Variants in EPHB1 observed in about 807,000 individuals in gnomAD.
EPHB1 encodes the protein EPH receptor B1, also known as ephrin type-B receptor 1.
Under a neutral mutation model 94.4 loss-of-function variants are expected in EPHB1, and 30 were observed. That is an observed-to-expected ratio of 0.32 (90% CI 0.24 to 0.43). EPHB1 has a LOEUF of 0.43. Among genes scored for constraint, EPHB1 ranks in the 20% least tolerant of loss-of-function variants. The probability of loss-of-function intolerance (pLI) is 1.00; values close to 1 mark genes in which losing one functional copy is unlikely to be tolerated. For missense variants in EPHB1, 1,055 were observed against 1,308.3 expected, an observed-to-expected ratio of 0.81 and a Z score of 2.99; for synonymous variants, 522 against 489.1, an observed-to-expected ratio of 1.07 and a Z score of -0.89.
At chr3:135,143,589 A>C (rs752879854) in intron 5 of EPHB1, among the ~76,000 whole-genome samples, 2 of 152,072 alleles carry the variant, frequency 1.3e-5, no homozygotes, top group Non-Finnish European at 2.9e-5. Flanking sequence ...TTCATGATCA[A>C]TCATTAAACA....
At chr3:135,135,060 G>A (rs193099827) in intron 5 of EPHB1, among the ~76,000 whole-genome samples, 8 of 152,136 alleles carry the variant, frequency 5.3e-5, no homozygotes, top group Admixed American at 4.6e-4. Flanking sequence ...GCACCTCCAT[G>A]AGCACACTTC....
chr3:134,938,249 G>A (rs995686776), intron 2 of EPHB1, among the ~76,000 whole-genome samples: 32 of 152,188 alleles, frequency 2.1e-4, no homozygotes, highest in Admixed American at 1.2e-3. Flanking sequence ...GGCCTGGTAC[G>A]CAATGCTGCT....
chr3:135,112,805 T>C (rs562632491), intron 4 of EPHB1, among the ~76,000 whole-genome samples: 254 of 152,040 alleles, frequency 1.7e-3, no homozygotes, highest in Non-Finnish European at 3.1e-3. Context: ...GACATTTGGG[T>C]TGGTTCCAAG....
At chr3:134,930,131 A>G (rs1184243367) in intron 2 of EPHB1, among the ~76,000 whole-genome samples, 3 of 152,316 alleles carry the variant, frequency 2.0e-5, no homozygotes, top group African/African-American at 7.2e-5. Context: ...GCAGGCTTTC[A>G]GACCCAGAGA....
intron 3 of EPHB1, among the ~76,000 whole-genome samples, chr3:134,984,559 TAGAGAGGGAAGGGCCCTCACCTGGGCCCC>T (rs1276422944): frequency 0.011 from 1,539 of 145,900 alleles, 105 homozygotes; most frequent in South Asian, 0.016. Flanking sequence ...TTCTAGGCCC[TAGAGAGGGAAGGGCCCTCACCTGGGCCCC>T]AGAGAGGGAA....
chr3:134,982,956 C>T (rs1467807770), intron 3 of EPHB1, among the ~76,000 whole-genome samples: 1 of 152,194 alleles, frequency 6.6e-6, no homozygotes, highest in Non-Finnish European at 1.5e-5. Context: ...CCTGCATGCC[C>T]AGGTCCAATT....
intron 1 of EPHB1, among the ~76,000 whole-genome samples, chr3:134,889,132 T>C (rs1256947646): frequency 5.9e-5 from 9 of 152,160 alleles, no homozygotes; most frequent in Non-Finnish European, 8.8e-5. Context: ...GTTTAAAAGG[T>C]CCTTCTAAGC....
intron 1 of EPHB1, among the ~76,000 whole-genome samples, chr3:134,923,662 C>T (rs1038792346): frequency 6.6e-6 from 1 of 152,170 alleles, no homozygotes; most frequent in Non-Finnish European, 1.5e-5. Flanking sequence ...CATAGGAAGA[C>T]CCTTTCTTCC....
intron 1 of EPHB1, among the ~76,000 whole-genome samples, chr3:134,812,171 T>A (rs1034228446): frequency 6.6e-6 from 1 of 152,222 alleles, no homozygotes; most frequent in African/African-American, 2.4e-5. Flanking sequence ...AGGTTTTAGA[T>A]GTACAATTCC....
chr3:134,815,181 A>G (rs947799784), intron 1 of EPHB1, among the ~76,000 whole-genome samples: 1 of 152,238 alleles, frequency 6.6e-6, no homozygotes, highest in African/African-American at 2.4e-5. Context: ...TCCAAAATTC[A>G]GGGAGTGGGT....
intron 3 of EPHB1, among the ~76,000 whole-genome samples, chr3:135,042,385 A>G (rs779319788): frequency 2.0e-5 from 3 of 152,228 alleles, no homozygotes. Context: ...CAGGAGACAC[A>G]TGCAAACCAT....
chr3:134,959,575 T>A (rs1457890936), intron 3 of EPHB1, among the ~76,000 whole-genome samples: 1 of 152,228 alleles, frequency 6.6e-6, no homozygotes, highest in African/African-American at 2.4e-5. Flanking sequence ...ATTTCTGCAC[T>A]GTCCCTCTGC....
intron 12 of EPHB1, among the ~76,000 whole-genome samples, chr3:135,211,000 A>T (rs1010531065): frequency 1.3e-5 from 2 of 152,212 alleles, no homozygotes; most frequent in African/African-American, 4.8e-5. Flanking sequence ...ACAGGCAGAG[A>T]TGGGCAGACA....
At chr3:134,904,993 G>A (rs2038288727) in intron 1 of EPHB1, among the ~76,000 whole-genome samples, 1 of 152,194 alleles carries the variant, frequency 6.6e-6, no homozygotes, top group Admixed American at 6.5e-5. Context: ...AGAGACAAAT[G>A]ATCTCTACAG....
chr3:135,028,683 G>GA (rs1345351290), intron 3 of EPHB1, among the ~76,000 whole-genome samples: 1 of 116,596 alleles, frequency 8.6e-6, no homozygotes, highest in Non-Finnish European at 1.8e-5. Flanking sequence ...GTGTGGTGCT[G>GA]AAAAAAATGT....
intron 11 of EPHB1, among the ~76,000 whole-genome samples, chr3:135,199,924 G>A (rs1180981601): frequency 6.6e-6 from 1 of 152,194 alleles, no homozygotes; most frequent in East Asian, 1.9e-4. Flanking sequence ...GCATACAGTA[G>A]ATGCTCAATG....
intron 3 of EPHB1, among the ~76,000 whole-genome samples, chr3:135,021,147 A>T (rs1935974273): frequency 6.6e-6 from 1 of 152,082 alleles, no homozygotes; most frequent in South Asian, 2.1e-4. Flanking sequence ...GTCTTTCTTA[A>T]TTCCTTTGCC....
At chr3:135,050,912 TTGTGTGTGTGTG>T (rs61632320) in intron 3 of EPHB1, among the ~76,000 whole-genome samples, 12 of 147,942 alleles carry the variant, frequency 8.1e-5, no homozygotes, top group Non-Finnish European at 1.5e-4. Context: ...TAAACACCCT[TTGTGTGTGTGTG>T]TGTGTGTGTG....
intron 13 of EPHB1, among the ~76,000 whole-genome samples, chr3:135,241,826 C>A (rs988660515): frequency 2.6e-5 from 4 of 152,130 alleles, no homozygotes; most frequent in Non-Finnish European, 5.9e-5. Flanking sequence ...CTTGAGAATT[C>A]ACTCTTCTAT....
Sources: allele counts gnomAD v4.1 joint callset (sites outside exome capture counted in the v4.1 genomes callset), GRCh38; gene constraint gnomAD v4.1.1; transcripts MANE v1.5; gene names NCBI Gene and HGNC (gene_info 2026-07-23, HGNC 2026-07-21).